Variants in IQCM observed in about 807,000 individuals in gnomAD.
IQCM encodes IQ domain-containing protein M.
In IQCM, 45 loss-of-function variants were observed where a neutral mutation model predicts 57.6. The observed-to-expected ratio is 0.78, with a 90% confidence interval of 0.62 to 1.00. The LOEUF (loss-of-function observed/expected upper bound fraction) is 1.00, where lower values mean the gene tolerates loss of function less well. Among genes scored for constraint, IQCM ranks in the 50% least tolerant of loss-of-function variants. IQCM has a pLI of 0.00. For synonymous variants in IQCM, 148 were observed against 158.9 expected (o/e 0.93, Z 0.51); for missense variants, 468 against 511.6 (o/e 0.91, Z 0.82).
At chr4:149,750,159 TA>T (rs1185394647) in intron 2 of IQCM, among the ~76,000 whole-genome samples, 1 of 152,212 alleles carries the variant, frequency 6.6e-6, no homozygotes, top group Non-Finnish European at 1.5e-5. Context: ...GTTATCTTGA[TA>T]AAATTTTGAT....
At chr4:149,383,159 C>T (rs889668800) in intron 13 of IQCM, among the ~76,000 whole-genome samples, 1 of 152,126 alleles carries the variant, frequency 6.6e-6, no homozygotes, top group African/African-American at 2.4e-5. Context: ...TCTTCATACT[C>T]TAAGATTTTG....
At chr4:149,486,522 G>A (rs1028471190) in intron 12 of IQCM, among the ~76,000 whole-genome samples, 4 of 152,150 alleles carry the variant, frequency 2.6e-5, no homozygotes, top group African/African-American at 9.7e-5. Context: ...GCTGAGGCAG[G>A]TGAATCACAA....
At chr4:149,642,841 A>G (rs960700398) in intron 7 of IQCM, among the ~76,000 whole-genome samples, 3 of 152,164 alleles carry the variant, frequency 2.0e-5, no homozygotes, top group Non-Finnish European at 4.4e-5. Flanking sequence ...TCTTTGCCAT[A>G]TGTATTCTAG....
At chr4:149,650,238 G>A (rs544049187) in intron 7 of IQCM, among the ~76,000 whole-genome samples, 1 of 151,920 alleles carries the variant, frequency 6.6e-6, no homozygotes, top group East Asian at 1.9e-4. Context: ...AAGACACACA[G>A]GAAGACAGTT....
At chr4:149,790,007 G>A (rs370694137) in intron 2 of IQCM, 12 of 373,154 alleles carry the variant, frequency 3.2e-5, no homozygotes, top group African/African-American at 1.9e-4. Context: ...GAGTTTCCAA[G>A]ACACAGATCT....
chr4:149,678,981 C>T (rs539107403), intron 7 of IQCM, among the ~76,000 whole-genome samples: 1 of 151,710 alleles, frequency 6.6e-6, no homozygotes, highest in South Asian at 2.1e-4. Context: ...AGTTTCCTTA[C>T]AATTGCTAAA....
Position 149,550,259 on chromosome 4 carries a change from G to A in IQCM, c.1094-1670C>T, listed in dbSNP as rs956864450. ...GAGGGATTAAGCTTCAGTTGTCCAG[G>A]TAGTAATTTGCTTGATATTGCACTC... On this transcript the variant is annotated intron_variant, in intron 11 of 13. Coordinates refer to ENST00000636793, the MANE Select transcript of IQCM (RefSeq NM_001363507.2). Among the ~76,000 whole-genome samples, 20 of 152,246 alleles carry A rather than the reference G, an allele frequency of 1.3e-4. No individual in the cohort carries two copies. In the Middle Eastern group the frequency reaches 0.014, roughly 104 times the overall value.
intron 10 of IQCM, among the ~76,000 whole-genome samples, chr4:149,562,147 C>A (rs555160966): frequency 7.9e-5 from 12 of 152,024 alleles, no homozygotes; most frequent in Non-Finnish European, 1.5e-4. Flanking sequence ...ATCCTGTAAG[C>A]AATATAGGTC....
chr4:149,600,057 A>T (rs1205658869), intron 8 of IQCM, among the ~76,000 whole-genome samples: 1 of 152,180 alleles, frequency 6.6e-6, no homozygotes, highest in Non-Finnish European at 1.5e-5. Context: ...AATTTTTACT[A>T]AACAATTCAG....
Position 149,692,041 on chromosome 4 carries a change from C to T in IQCM, c.386-5573G>A, listed in dbSNP as rs184486181. 9.6e-3 allele frequency among the ~76,000 whole-genome samples: 1,468 copies of T among 152,186 alleles called. 92 individuals carry two copies. The highest frequency in any genetic ancestry group is 0.015 in the East Asian group (77 of 5,168). ...ACTCACCAAATTATCCATGTGCTCC[C>T]CTATATTTTCCATACCCCTTTAAAA... On this transcript the variant is annotated intron_variant, in intron 5 of 13. Transcript: ENST00000636793.
At chr4:149,592,888 T>C (rs1251471154) in intron 8 of IQCM, among the ~76,000 whole-genome samples, 6 of 152,100 alleles carry the variant, frequency 3.9e-5, no homozygotes, top group African/African-American at 9.7e-5. Context: ...AGTCAGGTAG[T>C]GTGATGCCTC....
intron 2 of IQCM, among the ~76,000 whole-genome samples, chr4:149,782,526 C>T (rs1771701811): frequency 6.6e-6 from 1 of 150,934 alleles, no homozygotes; most frequent in South Asian, 2.1e-4. Context: ...GGGACGATTG[C>T]TTGAGCCCAG....
At chr4:149,378,063 AG>A (rs1264942382) in intron 13 of IQCM, among the ~76,000 whole-genome samples, 1 of 152,140 alleles carries the variant, frequency 6.6e-6, no homozygotes, top group Non-Finnish European at 1.5e-5. Flanking sequence ...TTGCTTTATA[AG>A]AGGAACACCC....
intron 7 of IQCM, among the ~76,000 whole-genome samples, chr4:149,673,324 T>G (rs1287789904): frequency 6.6e-6 from 1 of 151,982 alleles, no homozygotes; most frequent in Non-Finnish European, 1.5e-5. Context: ...AGACACAGAC[T>G]GGCAAATTGG....
At chr4:149,701,605 C>T (rs1042746165) in intron 5 of IQCM, among the ~76,000 whole-genome samples, 4 of 152,140 alleles carry the variant, frequency 2.6e-5, no homozygotes, top group African/African-American at 4.8e-5. Context: ...GTGTCTCACA[C>T]GCTCTGGCAC....
chr4:149,546,087 T>G (rs539056414), intron 12 of IQCM, among the ~76,000 whole-genome samples: 7 of 152,132 alleles, frequency 4.6e-5, no homozygotes, highest in African/African-American at 7.2e-5. Context: ...TTTGTCCTTG[T>G]GATAGTTTGC....
rs149942606 is a variant in IQCM at position 149,719,753 on chromosome 4, T to C, written c.385+13491A>G. 9.2e-3 allele frequency among the ~76,000 whole-genome samples: 1,394 copies of C among 152,326 alleles called. 6 individuals carry two copies. The highest frequency in any genetic ancestry group is 0.017 in the Admixed American group (261 of 15,302). On this transcript the variant is annotated intron_variant, in intron 5 of 13. Transcript: ENST00000636793. ...TAAGCCCCATCACTCAACCCATCAC[T>C]GTGGCCAAGAGAATAATCTAATACC...
At chr4:149,591,244 A>C (rs1180622941) in intron 8 of IQCM, among the ~76,000 whole-genome samples, 1 of 152,000 alleles carries the variant, frequency 6.6e-6, no homozygotes, top group Non-Finnish European at 1.5e-5. Flanking sequence ...TCCTCTTTTC[A>C]AATATCATTG....
chr4:149,706,982 A>T (rs1235112415), intron 5 of IQCM, among the ~76,000 whole-genome samples: 1 of 152,036 alleles, frequency 6.6e-6, no homozygotes, highest in African/African-American at 2.4e-5. Context: ...AAATAAACAG[A>T]TTTTTCCAAG....
Sources: allele counts gnomAD v4.1 joint callset (sites outside exome capture counted in the v4.1 genomes callset), GRCh38; gene constraint gnomAD v4.1.1; transcripts MANE v1.5; gene names NCBI Gene and HGNC (gene_info 2026-07-23, HGNC 2026-07-21).